The following PAQR5 variants were observed in gnomAD, a reference collection of about 807,000 sequenced individuals.
PAQR5 encodes progestin and adipoQ receptor family member 5.
In PAQR5, 20 loss-of-function variants were observed where a neutral mutation model predicts 34.5. The observed-to-expected ratio is 0.58, with a 90% CI of 0.41 to 0.84. The LOEUF is 0.84. Among genes scored for constraint, PAQR5 ranks in the 40% least tolerant of loss-of-function variants. The pLI, the probability that PAQR5 is intolerant of heterozygous loss-of-function variation, is 0.00. For missense variants in PAQR5, 378 were observed against 412.7 expected (o/e 0.92, Z 0.73); for synonymous variants, 131 against 155.6 (o/e 0.84, Z 1.18).
At chr15:69,313,290 A>C (rs1319331510) in intron 1 of PAQR5, among the ~76,000 whole-genome samples, 1 of 152,178 alleles carries the variant, frequency 6.6e-6, no homozygotes, top group East Asian at 1.9e-4. Flanking sequence ...CCTGAGCTGA[A>C]GCGTTTGAGA....
chr15:69,342,632 C>T (rs2054671751), intron 2 of PAQR5, among the ~76,000 whole-genome samples: 1 of 152,140 alleles, frequency 6.6e-6, no homozygotes, highest in South Asian at 2.1e-4. Flanking sequence ...GCTATTCAGT[C>T]CTTGGAGGTG....
At chr15:69,353,109 A>G (rs1466289422) in intron 2 of PAQR5, among the ~76,000 whole-genome samples, 1 of 152,128 alleles carries the variant, frequency 6.6e-6, no homozygotes, top group African/African-American at 2.4e-5. Context: ...AGCAACATTG[A>G]CTTCCACTCA....
intron 2 of PAQR5, among the ~76,000 whole-genome samples, chr15:69,347,597 C>T (rs1056343187): frequency 7.2e-5 from 11 of 152,296 alleles, no homozygotes; most frequent in Middle Eastern, 3.4e-3. Flanking sequence ...TTACAATCCC[C>T]GCCCCTCCAA....
chr15:69,321,161 T>C (rs2054087754), intron 1 of PAQR5, among the ~76,000 whole-genome samples: 1 of 152,252 alleles, frequency 6.6e-6, no homozygotes, highest in South Asian at 2.1e-4. Flanking sequence ...AGTCTGTGAA[T>C]AGAGTGGTAA....
intron 3 of PAQR5, among the ~76,000 whole-genome samples, chr15:69,367,206 GT>G (rs57993813): frequency 0.025 from 3,873 of 152,034 alleles, 164 homozygotes; most frequent in African/African-American, 0.087. Context: ...AAATGCTTTT[GT>G]CTTGTTTTCT....
At chr15:69,402,739 G>A (rs1486802444) in intron 8 of PAQR5, among the ~76,000 whole-genome samples, 1 of 152,200 alleles carries the variant, frequency 6.6e-6, no homozygotes, top group African/African-American at 2.4e-5. Context: ...TGGGGCTTAA[G>A]ACTTCAGCAC....
intron 8 of PAQR5, among the ~76,000 whole-genome samples, chr15:69,401,950 C>T (rs1420079837): frequency 6.6e-6 from 1 of 152,178 alleles, no homozygotes; most frequent in African/African-American, 2.4e-5. Context: ...CCAGGCTGGT[C>T]TCAAAACTCC....
At chr15:69,379,612 A>G (rs2055822704) in intron 3 of PAQR5, 1 of 983,706 alleles carries the variant, frequency 1.0e-6, no homozygotes, top group Non-Finnish European at 1.2e-6. Flanking sequence ...GCCAAGAGTA[A>G]GTACGCCGGG....
chr15:69,371,493 A>G lies in PAQR5; in HGVS notation c.52-8390A>G, dbSNP rs563166570. On this transcript the variant is annotated intron_variant, in intron 3 of 8. Coordinates refer to ENST00000395407, the MANE Select transcript of PAQR5 (RefSeq NM_017705.4). Reference sequence around the variant, plus strand: ...AGATTAGTATTCATCTATTTTATTAAGAAAAGTATATTAGAAAGAGATAAT... The same window carrying G: ...AGATTAGTATTCATCTATTTTATTAGGAAAAGTATATTAGAAAGAGATAAT... Among the ~76,000 whole-genome samples the G allele has an allele frequency of 2.6e-5, 4 of 152,262 alleles. No homozygotes were observed. In the East Asian group the frequency reaches 5.8e-4, roughly 22 times the overall value.
chr15:69,394,100 TG>T (rs1168059857), intron 6 of PAQR5, among the ~76,000 whole-genome samples: 2 of 147,480 alleles, frequency 1.4e-5, no homozygotes, highest in Non-Finnish European at 2.9e-5. Context: ...AACCATTGAT[TG>T]TTTTTTTTTT....
At chr15:69,371,485 T>G (rs1223485656) in intron 3 of PAQR5, among the ~76,000 whole-genome samples, 1 of 152,148 alleles carries the variant, frequency 6.6e-6, no homozygotes, top group Non-Finnish European at 1.5e-5. Flanking sequence ...TATTCATCTA[T>G]TTTATTAAGA....
intron 2 of PAQR5, among the ~76,000 whole-genome samples, chr15:69,339,442 TTTG>T (rs953300060): frequency 5.9e-5 from 9 of 151,976 alleles, no homozygotes; most frequent in South Asian, 2.1e-4. Flanking sequence ...CAACAATCTT[TTTG>T]TTGTTGTTGT....
At chr15:69,375,538 T>C (rs1199296071) in intron 3 of PAQR5, among the ~76,000 whole-genome samples, 1 of 152,090 alleles carries the variant, frequency 6.6e-6, no homozygotes, top group Non-Finnish European at 1.5e-5. Flanking sequence ...TCCAAAATCA[T>C]AGTACAGGCC....
intron 7 of PAQR5, chr15:69,397,880 T>G: frequency 2.6e-6 from 1 of 381,400 alleles, no homozygotes; most frequent in Non-Finnish European, 4.8e-6. Context: ...GCTGCCTTGG[T>G]GGCACTTGAG....
chr15:69,402,787 TGTG>T (rs2056674636), intron 8 of PAQR5, among the ~76,000 whole-genome samples: 1 of 152,224 alleles, frequency 6.6e-6, no homozygotes, highest in Admixed American at 6.5e-5. Flanking sequence ...CCATAACACA[TGTG>T]GTCGCCTCCT....
chr15:69,385,034 T>C lies in PAQR5; in HGVS notation c.385+152T>C. ...CCTGTCCAGGTTCCCAATGGGTGTT[T>C]TATAAGAAACTGTCCATAAGCATGC... On this transcript the variant is annotated intron_variant, in intron 5 of 8. Coordinates refer to ENST00000395407, the MANE Select transcript of PAQR5 (RefSeq NM_017705.4). The surrounding 1 kb of genome is among the most constrained non-coding windows in gnomAD (Gnocchi z 4.7). 1 of 630,492 alleles carries C rather than the reference T, an allele frequency of 1.6e-6. No individual in the cohort carries two copies. Among genetic ancestry groups the C allele is most frequent in the Non-Finnish European group, 2.8e-6 (1 of 355,038 alleles). 39.1% of individuals were successfully genotyped at this position (630,492 alleles called of 1,614,324 possible).
At chr15:69,300,515 A>C (rs971362111) in intron 1 of PAQR5, among the ~76,000 whole-genome samples, 3 of 152,040 alleles carry the variant, frequency 2.0e-5, no homozygotes, top group Non-Finnish European at 2.9e-5. Context: ...ACGTGGGGCA[A>C]CATTTTCCCC....
Position 69,315,694 on chromosome 15 carries a change from C to T in PAQR5, c.-277+16638C>T, listed in dbSNP as rs539785810. On this transcript the variant is annotated intron_variant, in intron 1 of 8. Transcript: ENST00000395407. ...GAGTTTGGGAGAGGTGTCTAAACTA[C>T]AGAAGTTATTTCCTTTCTTCTCACT... 4.4e-4 allele frequency among the ~76,000 whole-genome samples: 67 copies of T among 152,300 alleles called. 1 individual carries two copies. The highest frequency in any genetic ancestry group is 1.5e-3 in the African/African-American group (64 of 41,554).
chr15:69,380,207 A>G (rs2055844705), intron 4 of PAQR5, 197 bp downstream of exon 4: 2 of 579,650 alleles, frequency 3.5e-6, no homozygotes, highest in Middle Eastern at 3.8e-4. Context: ...CCTTTAAGGC[A>G]TGGACTGGGG....
Sources: allele counts gnomAD v4.1 joint callset (sites outside exome capture counted in the v4.1 genomes callset), GRCh38; gene constraint gnomAD v4.1.1; non-coding constraint Gnocchi (gnomAD v3.1); transcripts MANE v1.5; gene names NCBI Gene and HGNC (gene_info 2026-07-23, HGNC 2026-07-21).